The following ZFHX3 variants were observed in gnomAD, a reference collection of about 807,000 sequenced individuals.
ZFHX3 encodes zinc finger homeobox protein 3.
ZFHX3 carries 42 observed loss-of-function variants against 279.1 expected under a neutral mutation model. The ratio of observed to expected loss-of-function variants is 0.15; its 90% CI spans 0.12 to 0.19. The LOEUF (loss-of-function observed/expected upper bound fraction) is 0.19, where lower values mean the gene tolerates loss of function less well. Among genes scored for constraint, ZFHX3 ranks in the 10% least tolerant of loss-of-function variants. ZFHX3 has a pLI of 1.00. For missense variants in ZFHX3, 4,981 were observed against 4,754.0 expected, an observed-to-expected ratio of 1.05 and a Z score of -1.40; for synonymous variants, 2,293 against 1,957.8, an observed-to-expected ratio of 1.17 and a Z score of -4.52.
chr16:73,217,309 T>C (rs1168956347), intron 5 of ZFHX3, among the ~76,000 whole-genome samples: 2 of 152,186 alleles, frequency 1.3e-5, no homozygotes. Context: ...CAGCAACACC[T>C]GGAGAAGTGG....
intron 1 of ZFHX3, among the ~76,000 whole-genome samples, chr16:73,028,654 A>G (rs1273097897): frequency 6.6e-6 from 1 of 152,196 alleles, no homozygotes; most frequent in Admixed American, 6.5e-5. Context: ...GGGATTCTCA[A>G]GCTCTGCCAA....
chr16:72,848,501 A>G (rs2037532941), intron 4 of ZFHX3, among the ~76,000 whole-genome samples: 1 of 152,120 alleles, frequency 6.6e-6, no homozygotes, highest in Non-Finnish European at 1.5e-5. Context: ...TGATGCTGAT[A>G]AAAGCTTCCT....
intron 1 of ZFHX3, among the ~76,000 whole-genome samples, chr16:73,784,036 C>G (rs1402891735): frequency 1.3e-5 from 2 of 151,978 alleles, no homozygotes; most frequent in African/African-American, 2.4e-5. Flanking sequence ...AGATGGGATG[C>G]CTGCATGAGC....
intron 1 of ZFHX3, among the ~76,000 whole-genome samples, chr16:73,776,868 G>A (rs1256382114): frequency 6.6e-6 from 1 of 152,082 alleles, no homozygotes; most frequent in African/African-American, 2.4e-5. Flanking sequence ...GTCCATATAA[G>A]CAATCAGTAC....
chr16:73,739,897 T>A (rs4888689), intron 1 of ZFHX3, among the ~76,000 whole-genome samples: 30,965 of 152,038 alleles, frequency 0.2, 3,697 homozygotes, highest in Non-Finnish European at 0.28. Flanking sequence ...CTACCCCCAA[T>A]GACCTCTTTC....
At chr16:72,862,414 T>G (rs1338955297) in intron 4 of ZFHX3, among the ~76,000 whole-genome samples, 1 of 152,246 alleles carries the variant, frequency 6.6e-6, no homozygotes, top group Non-Finnish European at 1.5e-5. Context: ...AACCTGCCTT[T>G]GCAGTATTCA....
At chr16:73,858,270 A>C (rs991788948) in intron 1 of ZFHX3, among the ~76,000 whole-genome samples, 4 of 152,224 alleles carry the variant, frequency 2.6e-5, no homozygotes, top group African/African-American at 9.6e-5. Context: ...ACTGAGAATC[A>C]TAAATAAAAT....
At chr16:73,889,669 C>T (rs1262092024) in intron 1 of ZFHX3, among the ~76,000 whole-genome samples, 1 of 152,136 alleles carries the variant, frequency 6.6e-6, no homozygotes, top group African/African-American at 2.4e-5. Flanking sequence ...GCTTAAAACA[C>T]CCACTGCCTA....
intron 4 of ZFHX3, among the ~76,000 whole-genome samples, chr16:72,844,488 T>C (rs997893753): frequency 6.6e-6 from 1 of 151,990 alleles, no homozygotes; most frequent in Admixed American, 6.6e-5. Context: ...AACCATCACA[T>C]GCACCCCCAG....
At chr16:73,387,490 T>C (rs147921178) in intron 3 of ZFHX3, among the ~76,000 whole-genome samples, 378 of 152,260 alleles carry the variant, frequency 2.5e-3, no homozygotes, top group Non-Finnish European at 4.5e-3. Context: ...ACTCCCCAAG[T>C]CTGTGGCAGG....
intron 2 of ZFHX3, among the ~76,000 whole-genome samples, chr16:73,497,759 A>G (rs757849388): frequency 6.6e-5 from 10 of 152,234 alleles, no homozygotes; most frequent in Non-Finnish European, 8.8e-5. Flanking sequence ...AAACGCTCCC[A>G]AAGATATGGG....
intron 4 of ZFHX3, among the ~76,000 whole-genome samples, chr16:73,266,654 A>T (rs1318573686): frequency 6.6e-6 from 1 of 152,208 alleles, no homozygotes; most frequent in Non-Finnish European, 1.5e-5. Context: ...AGCTTTCACA[A>T]TTCCCACATG....
chr16:73,339,920 C>T (rs2015998394), intron 3 of ZFHX3, among the ~76,000 whole-genome samples: 1 of 152,176 alleles, frequency 6.6e-6, no homozygotes, highest in African/African-American at 2.4e-5. Flanking sequence ...TTCAGCAGTG[C>T]TCGACAAACC....
chr16:72,840,287 T>A (rs2037312801), intron 4 of ZFHX3, among the ~76,000 whole-genome samples: 1 of 152,136 alleles, frequency 6.6e-6, no homozygotes, highest in South Asian at 2.1e-4. Context: ...TGATATTAAA[T>A]GATGGTGATT....
chr16:72,981,858 C>T (rs748678959), intron 1 of ZFHX3, among the ~76,000 whole-genome samples: 1 of 151,090 alleles, frequency 6.6e-6, no homozygotes, highest in Admixed American at 6.6e-5. Flanking sequence ...TCCATGCACA[C>T]AGCGTTTTAC....
rs756319969 is a variant in ZFHX3 at position 72,959,962 on chromosome 16, C to A, written c.184G>T (p.Ala62Ser). The A allele has an allele frequency of 6.2e-7, 1 of 1,609,224 alleles. No homozygotes were observed. The highest frequency in any genetic ancestry group is 8.5e-7 in the Non-Finnish European group (1 of 1,177,324). Residue 62 changes from alanine (A) to serine (S), a missense_variant, in exon 2 of 10, where the codon GCG becomes TCG. Transcript: ENST00000268489. ...SLRAPFNERL[A>S]ESTASAGPPS... ...GGCCCGGCCGACGCGGTGCTCTCCGCGAGGCGCTCATTGAAGGGGGCCCTC... is the reference window on the plus strand; with the variant it reads ...GGCCCGGCCGACGCGGTGCTCTCCGAGAGGCGCTCATTGAAGGGGGCCCTC...
At chr16:73,230,897 C>T (rs2012751543) in intron 5 of ZFHX3, among the ~76,000 whole-genome samples, 2 of 152,112 alleles carry the variant, frequency 1.3e-5, no homozygotes, top group South Asian at 2.1e-4. Context: ...GACAGGAGGG[C>T]GGGGGGAGCT....
chr16:72,989,179 A>T (rs529516625), intron 1 of ZFHX3, among the ~76,000 whole-genome samples: 3 of 110,884 alleles, frequency 2.7e-5, no homozygotes, highest in South Asian at 2.8e-4. Context: ...GTCTCAAATT[A>T]AAAAAAAAAA....
chr16:73,461,588 A>G (rs1443733223), intron 2 of ZFHX3, among the ~76,000 whole-genome samples: 2 of 152,188 alleles, frequency 1.3e-5, no homozygotes, highest in Non-Finnish European at 1.5e-5. Context: ...ATTGAGGTTC[A>G]CTTTTGTTTA....
Sources: gnomAD v4.1 joint callset for allele counts (sites outside exome capture counted in the v4.1 genomes callset) on GRCh38, gnomAD v4.1.1 for gene constraint, MANE v1.5 for transcripts, NCBI Gene and HGNC (gene_info 2026-07-23, HGNC 2026-07-21) for gene names.